The following LRP2 variants were observed in gnomAD, a reference collection of about 807,000 sequenced individuals.
The protein encoded by LRP2 is LDL receptor related protein 2, also known as low-density lipoprotein receptor-related protein 2.
A neutral mutation model predicts 531.0 loss-of-function variants in LRP2; 172 were observed. That is an observed-to-expected ratio of 0.32 (90% confidence interval 0.29 to 0.37). The LOEUF is 0.37. Among genes scored for constraint, LRP2 ranks in the 10% least tolerant of loss-of-function variants. The pLI is 1.00. For missense variants in LRP2, 5,167 were observed against 5,868.3 expected (o/e 0.88, Z 3.90); for synonymous variants, 1,992 against 2,027.6 (o/e 0.98, Z 0.47).
chr2:169,147,881 C>T (rs1409987104), intron 68 of LRP2, among the ~76,000 whole-genome samples: 1 of 152,172 alleles, frequency 6.6e-6, no homozygotes, highest in Middle Eastern at 3.4e-3. Flanking sequence ...CCTCTGATTT[C>T]CAAAGCAAGA....
chr2:169,191,972 C>A lies in LRP2; in HGVS notation c.8892G>T (p.Arg2964Ser), dbSNP rs149148763. Reference protein sequence around the residue: ...LCVNDRPPDRRCIPQSWVCDG... With the variant: ...LCVNDRPPDRSCIPQSWVCDG... The stretch of plus-strand genomic sequence containing the variant: ...CACAGACCCAAGACTGGGGAATGCA[C>A]CTCCTGTCCGGAGGTCTGTCATTTA... Residue 2964 changes from arginine to serine, a missense_variant, in exon 48 of 79, where the codon AGG becomes AGT. This residue lies in a region of LRP2 where 1,129 missense variants were observed against 1,362.7 expected (regional missense o/e 0.83). Transcript: ENST00000649046. 17 of 1,614,196 alleles carry A rather than the reference C, an allele frequency of 1.1e-5. No individual in the cohort carries two copies. The African/African-American group carries it at 2.1e-4, about 20-fold the overall frequency.
intron 62 of LRP2, among the ~76,000 whole-genome samples, chr2:169,162,892 G>A (rs1223739890): frequency 6.6e-6 from 1 of 152,240 alleles, no homozygotes; most frequent in African/African-American, 2.4e-5. Flanking sequence ...CAGCACAGCT[G>A]CAAGATGCAG....
At chr2:169,153,672 T>G (rs1284165148) in intron 66 of LRP2, among the ~76,000 whole-genome samples, 1 of 152,136 alleles carries the variant, frequency 6.6e-6, no homozygotes, top group Non-Finnish European at 1.5e-5. Context: ...GAAAAAAAAT[T>G]GAGATTCAGA....
chr2:169,217,325 T>A (rs1223525822), intron 34 of LRP2, among the ~76,000 whole-genome samples: 1 of 152,256 alleles, frequency 6.6e-6, no homozygotes, highest in African/African-American at 2.4e-5. Context: ...GTCCTTTGAA[T>A]TTCATCTTCA....
In LRP2 at chr2:169,157,373, A is replaced by G; in HGVS notation, c.12017T>C (p.Leu4006Pro). ...GAATTGGAAAAAATATACTCTACCT[A>G]GACAGGAGGTTCTGTCAAAAACATT... ...ETNVFDRTSC[L>P]DINECEQFGT... The change falls in exon 64 of 79, where the codon CTA (leucine) becomes CCA (proline). Residue 4006 changes from leucine (L) to proline (P), a missense_variant and splice_region_variant. Around this residue, in one of 6 missense-constraint regions of LRP2, gnomAD observed 564 missense variants for 747.7 expected, o/e 0.75. Coordinates refer to ENST00000649046, the MANE Select transcript of LRP2 (RefSeq NM_004525.3). The G allele has an allele frequency of 6.2e-7, 1 of 1,613,188 alleles. No homozygotes were observed. Among genetic ancestry groups the G allele is most frequent in the East Asian group, 2.2e-5 (1 of 44,830 alleles).
At chr2:169,327,802 A>G (rs1574261977) in intron 1 of LRP2, among the ~76,000 whole-genome samples, 2 of 79,410 alleles carry the variant, frequency 2.5e-5, no homozygotes, top group Non-Finnish European at 4.8e-5. Context: ...CTGGGAGGTG[A>G]GGGGCGCCTC....
intron 3 of LRP2, among the ~76,000 whole-genome samples, chr2:169,311,295 G>T (rs1027140302): frequency 6.6e-6 from 1 of 151,892 alleles, no homozygotes; most frequent in Non-Finnish European, 1.5e-5. Context: ...GTGATGTTAG[G>T]GTGTCAATTT....
intron 13 of LRP2, among the ~76,000 whole-genome samples, chr2:169,276,525 A>T (rs1386640035): frequency 2.0e-5 from 3 of 152,126 alleles, no homozygotes; most frequent in Non-Finnish European, 4.4e-5. Context: ...ATTTATTCAT[A>T]TTCTCCTTAT....
At chr2:169,231,884 T>A (rs201728365) in intron 30 of LRP2, 42 bp from the exon 31 acceptor site, 15 of 1,608,776 alleles carry the variant, frequency 9.3e-6, no homozygotes, top group Non-Finnish European at 1.3e-5. Context: ...GTGGAAAACC[T>A]CCACATTAAA....
chr2:169,216,567 G>A, intron 34 of LRP2, 137 bp from the exon 35 acceptor site: 1 of 804,444 alleles, frequency 1.2e-6, no homozygotes, highest in South Asian at 1.6e-5. Flanking sequence ...ATATCTCGTT[G>A]CATACAACGT....
At chr2:169,267,345 A>T (rs1404569002) in intron 16 of LRP2, among the ~76,000 whole-genome samples, 1 of 152,126 alleles carries the variant, frequency 6.6e-6, no homozygotes, top group Non-Finnish European at 1.5e-5. Context: ...AATTGACCAC[A>T]TAGTTGGAAG....
intron 1 of LRP2, among the ~76,000 whole-genome samples, chr2:169,338,047 C>G (rs1246513495): frequency 6.6e-6 from 1 of 151,868 alleles, no homozygotes; most frequent in Non-Finnish European, 1.5e-5. Context: ...TTTGAAGCTA[C>G]AGTGAGCTAT....
intron 20 of LRP2, among the ~76,000 whole-genome samples, 173 bp from the exon 21 acceptor site, chr2:169,247,159 A>G (rs1005998806): frequency 1.3e-5 from 2 of 152,236 alleles, no homozygotes; most frequent in African/African-American, 2.4e-5. Context: ...TTAGGTATGG[A>G]AAAGTCCCAA....
In LRP2 at chr2:169,282,889, G is replaced by A. The variant is rs778772058; in HGVS notation, c.1155C>T (p.Cys385=). The A allele has an allele frequency of 1.2e-6, 2 of 1,613,998 alleles. No individual in the cohort carries two copies. Among genetic ancestry groups the A allele is most frequent in the South Asian group, 1.1e-5 (1 of 91,078 alleles). The change falls in exon 10 of 79, where the codon TGC becomes TGT. Residue 385 remains cysteine (C), a synonymous_variant. Coordinates refer to ENST00000649046, the MANE Select transcript of LRP2 (RefSeq NM_004525.3). ...EGYILERGQY[C]KANDSFGEAS... ...TTTACTCACAGGAATCATTAGCTTTGCAATACTGTCCACGCTCCAAGATAT... is the reference window on the plus strand; with the variant it reads ...TTTACTCACAGGAATCATTAGCTTTACAATACTGTCCACGCTCCAAGATAT...
In LRP2 at chr2:169,307,387, T is replaced by C. The variant is rs369370412; in HGVS notation, c.321A>G (p.Thr107=). 3.0e-5 allele frequency: 48 copies of C among 1,604,728 alleles called. No individual in the cohort carries two copies. The highest frequency in any genetic ancestry group is 1.2e-4 in the South Asian group (11 of 90,886). Residue 107 remains threonine, a synonymous_variant, in exon 4 of 79, where the codon ACA becomes ACG. Coordinates refer to ENST00000649046, the MANE Select transcript of LRP2 (RefSeq NM_004525.3). ...AGCATGTTATCTGATGACTTGAGCA[T>C]GTACTTTGTGCTGCGAAGAGAAAAA... ...SDERQDCSQS[T]CSSHQITCSN... is the part of the protein sequence containing the mutation.
rs983302620 is a variant in LRP2, at chr2:169,273,051, T to C, written c.1992A>G (p.Lys664=). 28 of 1,613,506 alleles carry C rather than the reference T, an allele frequency of 1.7e-5. No homozygotes were observed. The highest frequency in any genetic ancestry group is 1.0e-4 in the Admixed American group (6 of 59,904). ...LRQPYATNPC[K]DNNGGCEQVC... is the part of the protein sequence containing the mutation. ...CCTGCTCACAGCCCCCATTGTTATCTTTACACGGATTGGTAGCTGGAAGGA... is the reference window on the plus strand; with the variant it reads ...CCTGCTCACAGCCCCCATTGTTATCCTTACACGGATTGGTAGCTGGAAGGA... Residue 664 remains lysine, a synonymous_variant, in exon 15 of 79, where the codon AAA becomes AAG. Transcript: ENST00000649046.
At chr2:169,171,921 T>C in intron 58 of LRP2, 94 bp downstream of exon 58, 1 of 1,481,136 alleles carries the variant, frequency 6.8e-7, no homozygotes, top group South Asian at 1.1e-5. Context: ...TCCTACCCAT[T>C]GAGGATCAAT....
rs774896069 is a variant in LRP2 at position 169,145,755 on chromosome 2, T to A, written c.12980A>T (p.Asn4327Ile). The A allele has an allele frequency of 9.9e-6, 16 of 1,614,144 alleles. No homozygotes were observed. Among genetic ancestry groups the A allele is most frequent in the Non-Finnish European group, 1.3e-5 (15 of 1,180,002 alleles). Residue 4327 changes from asparagine to isoleucine, a missense_variant, in exon 70 of 79, where the codon AAT becomes ATT. By Grantham distance (149) the Asn-to-Ile change is moderately radical. Transcript: ENST00000649046. ...CCAAAGTTGGTGATTACCTGACTTA[T>A]TGTATCTGAGTTGATGAAAGATTCG... is the stretch of plus-strand genomic sequence containing the variant. The part of the protein sequence containing the change: ...QVRIFHQLRY[N>I]KSVPNLCKQI...
intron 10 of LRP2, among the ~76,000 whole-genome samples, chr2:169,282,185 A>C (rs539830006): frequency 6.6e-6 from 1 of 152,352 alleles, no homozygotes; most frequent in African/African-American, 2.4e-5. Flanking sequence ...TCATGGGAGC[A>C]GTTAAGTTTC....
Sources: gnomAD v4.1 joint callset for allele counts (sites outside exome capture counted in the v4.1 genomes callset) on GRCh38, gnomAD v4.1.1 for gene constraint, gnomAD v4.1.1 regional missense constraint, MANE v1.5 for transcripts, NCBI Gene and HGNC (gene_info 2026-07-23, HGNC 2026-07-21) for gene names.